CHMP2B: variants seen among roughly 807,000 people sequenced by gnomAD.
CHMP2B encodes charged multivesicular body protein 2B, also known as VPS2 homolog B.
A neutral mutation model predicts 29.8 loss-of-function variants in CHMP2B; 22 were observed. That is an observed-to-expected ratio of 0.74 (90% CI 0.53 to 1.05). The LOEUF (loss-of-function observed/expected upper bound fraction) is 1.05, where lower values mean the gene tolerates loss of function less well. Among genes scored for constraint, CHMP2B ranks in the 50% least tolerant of loss-of-function variants. The probability of loss-of-function intolerance (pLI) is 0.00; values close to 1 mark genes in which losing one functional copy is unlikely to be tolerated. For synonymous variants in CHMP2B, 78 were observed against 75.8 expected, an observed-to-expected ratio of 1.03 and a Z score of -0.15; for missense variants, 261 against 252.2, an observed-to-expected ratio of 1.03 and a Z score of -0.24.
chr3:87,234,001 C>G (rs1705953717), intron 1 of CHMP2B, among the ~76,000 whole-genome samples: 1 of 152,028 alleles, frequency 6.6e-6, no homozygotes, highest in Non-Finnish European at 1.5e-5. Flanking sequence ...GCATACTGTC[C>G]CAGCATTCTT....
chr3:87,245,640 C>G, intron 2 of CHMP2B, 74 bp from the exon 3 acceptor site: 1 of 1,229,214 alleles, frequency 8.1e-7, no homozygotes, highest in Non-Finnish European at 1.2e-6. Flanking sequence ...TGTATTAGAT[C>G]TGTTCTTCTG....
In CHMP2B at chr3:87,248,329, A is replaced by G. The variant is rs553585379; in HGVS notation, c.322-1546A>G. On this transcript the variant is annotated intron_variant, in intron 3 of 5. Coordinates refer to ENST00000263780, the MANE Select transcript of CHMP2B (RefSeq NM_014043.4). ...AAAGAGAGAGAGAGAACGTTTCGGT[A>G]TACATTTTGTTTCTCAGTTACCTTA... Among the ~76,000 whole-genome samples, 10 of 151,284 alleles carry G rather than the reference A, an allele frequency of 6.6e-5. No individual in the cohort carries two copies. In the South Asian group the frequency reaches 2.1e-3, roughly 32 times the overall value.
chr3:87,227,678 G>C, intron 1 of CHMP2B, 122 bp downstream of exon 1: 2 of 1,276,592 alleles, frequency 1.6e-6, no homozygotes, highest in Non-Finnish European at 2.3e-6. Context: ...GGTCCCACAG[G>C]TGACCGCCCT....
intron 1 of CHMP2B, among the ~76,000 whole-genome samples, chr3:87,235,222 G>T (rs2106895537): frequency 6.6e-6 from 1 of 152,234 alleles, no homozygotes; most frequent in South Asian, 2.1e-4. Context: ...AATAAATTTG[G>T]CTGTAAAAAC....
chr3:87,233,140 A>G (rs900237459), intron 1 of CHMP2B, among the ~76,000 whole-genome samples: 3 of 152,164 alleles, frequency 2.0e-5, no homozygotes, highest in Non-Finnish European at 4.4e-5. Flanking sequence ...TAGGTAGAAT[A>G]AAGCTGTTGG....
chr3:87,229,314 T>A (rs891455953), intron 1 of CHMP2B, among the ~76,000 whole-genome samples: 1 of 152,208 alleles, frequency 6.6e-6, no homozygotes. Flanking sequence ...TTTTGCTGAA[T>A]AGACTTATTT....
In CHMP2B at chr3:87,230,171, C is replaced by T. The variant is rs1244111439; in HGVS notation, c.34+2615C>T. Among the ~76,000 whole-genome samples, 2 of 152,110 alleles carry T rather than the reference C, an allele frequency of 1.3e-5. 1 individual carries two copies. The highest frequency in any genetic ancestry group is 4.1e-4 in the South Asian group (2 of 4,836). On this transcript the variant is annotated intron_variant, in intron 1 of 5. Coordinates refer to ENST00000263780, the MANE Select transcript of CHMP2B (RefSeq NM_014043.4). ...TATGAACCTGTAAATCAGGATCCCA[C>T]TAGGACTTGTCACAAATGCACAACT...
intron 3 of CHMP2B, among the ~76,000 whole-genome samples, chr3:87,246,683 TAC>T (rs1452582149): frequency 6.6e-6 from 1 of 152,246 alleles, no homozygotes; most frequent in Non-Finnish European, 1.5e-5. Context: ...ACTTACTGTA[TAC>T]ACACACAAAC....
At chr3:87,237,783 A>G (rs1258059407) in intron 1 of CHMP2B, among the ~76,000 whole-genome samples, 2 of 152,174 alleles carry the variant, frequency 1.3e-5, no homozygotes, top group Admixed American at 6.5e-5. Context: ...AAATATATTT[A>G]TCTGTGGATC....
chr3:87,245,118 C>T (rs1205818940), intron 2 of CHMP2B, among the ~76,000 whole-genome samples: 1 of 152,042 alleles, frequency 6.6e-6, no homozygotes, highest in Non-Finnish European at 1.5e-5. Flanking sequence ...AAGTTTATTT[C>T]ATCTCTATTA....
At chr3:87,230,865 GCCT>G (rs1414287987) in intron 1 of CHMP2B, among the ~76,000 whole-genome samples, 1 of 152,000 alleles carries the variant, frequency 6.6e-6, no homozygotes, top group African/African-American at 2.4e-5. Flanking sequence ...CATCTCTTGG[GCCT>G]ATGTTTTGCA....
At chr3:87,247,347 C>T (rs997211161) in intron 3 of CHMP2B, among the ~76,000 whole-genome samples, 2 of 152,154 alleles carry the variant, frequency 1.3e-5, no homozygotes, top group African/African-American at 2.4e-5. Flanking sequence ...GCTTATCTAA[C>T]GTGTATTTTC....
chr3:87,249,481 T>A (rs1706275666), intron 3 of CHMP2B, among the ~76,000 whole-genome samples: 1 of 152,124 alleles, frequency 6.6e-6, no homozygotes, highest in South Asian at 2.1e-4. Context: ...TAATCTTTTT[T>A]AATTTAGACA....
At chr3:87,253,281 AGTTT>A (rs1197838311) in intron 4 of CHMP2B, 119 bp from the exon 5 acceptor site, 4 of 681,434 alleles carry the variant, frequency 5.9e-6, no homozygotes, top group African/African-American at 3.6e-5. Flanking sequence ...GGATTTTTTT[AGTTT>A]GTTCACTGAG....
intron 1 of CHMP2B, among the ~76,000 whole-genome samples, chr3:87,238,110 T>G (rs983989227): frequency 2.0e-5 from 3 of 152,204 alleles, no homozygotes; most frequent in Non-Finnish European, 4.4e-5. Context: ...TGTGGTTGAT[T>G]AGTTTTATCA....
chr3:87,231,467 G>C (rs1309859408), intron 1 of CHMP2B, among the ~76,000 whole-genome samples: 3 of 151,936 alleles, frequency 2.0e-5, no homozygotes, highest in Non-Finnish European at 4.4e-5. Context: ...TTTCTTTCCT[G>C]TAGCTTCATA....
At chr3:87,227,687 C>G in intron 1 of CHMP2B, 131 bp downstream of exon 1, 1 of 1,139,028 alleles carries the variant, frequency 8.8e-7, no homozygotes, top group South Asian at 1.2e-5. Context: ...GGTGACCGCC[C>G]TCGCGGCACC....
In CHMP2B at chr3:87,245,819, G is replaced by T; in HGVS notation, c.232G>T (p.Val78Leu). ...GAAACAGAAGACGAGAACTTTTGCT[G>T]TAAGTTCAAAAGTTACTTCTATGTC... is the stretch of plus-strand genomic sequence containing the variant. ...LRKQKTRTFAVSSKVTSMSTQ... is the reference protein window; with the variant it reads ...LRKQKTRTFALSSKVTSMSTQ... The change falls in exon 3 of 6, where the codon GTA becomes TTA. Residue 78 changes from valine to leucine, a missense_variant. By Grantham distance (32) the Val-to-Leu change is conservative (BLOSUM62 1). Transcript: ENST00000263780. 6.2e-7 allele frequency: 1 copy of T among 1,613,670 alleles called. No homozygotes were observed. Among genetic ancestry groups the T allele is most frequent in the Middle Eastern group, 1.7e-4 (1 of 6,052 alleles).
At chr3:87,242,672 T>A (rs1228006542) in intron 2 of CHMP2B, among the ~76,000 whole-genome samples, 2 of 152,154 alleles carry the variant, frequency 1.3e-5, no homozygotes, top group Non-Finnish European at 2.9e-5. Flanking sequence ...GAGGTTCACT[T>A]TTTGCATATG....
Sources: allele counts gnomAD v4.1 joint callset (sites outside exome capture counted in the v4.1 genomes callset), GRCh38; gene constraint gnomAD v4.1.1; transcripts MANE v1.5; gene names NCBI Gene and HGNC (gene_info 2026-07-23, HGNC 2026-07-21).